CRYBB2: variants seen among roughly 807,000 people sequenced by gnomAD.
The protein encoded by CRYBB2 is crystallin beta B2.
In CRYBB2, 12 loss-of-function variants were observed where a neutral mutation model predicts 24.3. The observed-to-expected ratio is 0.49, with a 90% CI of 0.32 to 0.80. The LOEUF (loss-of-function observed/expected upper bound fraction) is 0.80. CRYBB2 is among the 30% of genes least tolerant of loss of function. CRYBB2 has a pLI of 0.04. For missense variants in CRYBB2, 198 were observed against 268.5 expected (o/e 0.74, Z 1.83); for synonymous variants, 98 against 101.6 (o/e 0.96, Z 0.21).
intron 1 of CRYBB2, chr22:25,213,782 A>T (rs922420649): frequency 4.6e-5 from 7 of 152,166 alleles, no homozygotes; most frequent in African/African-American, 1.7e-4. Flanking sequence ...CTACTTCCTG[A>T]TGCCCTCTGG....
upstream of CRYBB2, among the ~76,000 whole-genome samples, chr22:25,218,779 G>GAGAGAAGAAAGA (rs1935251085): frequency 2.3e-4 from 8 of 34,518 alleles, no homozygotes; most frequent in Admixed American, 3.8e-4. Context: ...GAGAGAGAGA[G>GAGAGAAGAAAGA]AAGAAAGAAA....
chr22:25,229,440 G>C lies in CRYBB2; in HGVS notation c.311G>C (p.Ser104Thr), dbSNP rs1935494118. The change falls in exon 5 of 6, where the codon AGC (serine) becomes ACC (threonine). Residue 104 changes from serine to threonine, a missense_variant. Ser to Thr is a moderately conservative substitution (Grantham distance 58). Coordinates refer to ENST00000398215, the MANE Select transcript of CRYBB2 (RefSeq NM_000496.3). Reference sequence around the variant, plus strand: ...CCCCCCATCCTCTGCCAATAGGACAGCCAAGAGCACAAGATCATCCTCTAT... The same window carrying C: ...CCCCCCATCCTCTGCCAATAGGACACCCAAGAGCACAAGATCATCCTCTAT... ...LSSLRPIKVD[S>T]QEHKIILYEN... The C allele has an allele frequency of 1.9e-6, 3 of 1,609,162 alleles. No homozygotes were observed. In the East Asian group the frequency reaches 6.7e-5, roughly 36 times the overall value.
chr22:25,226,257 C>T (rs1211057752), intron 3 of CRYBB2, among the ~76,000 whole-genome samples: 1 of 151,720 alleles, frequency 6.6e-6, no homozygotes. Flanking sequence ...TTATTACTCA[C>T]TTTGGAAACT....
chr22:25,212,922 C>G (rs1411480614), intron 1 of CRYBB2: 5 of 152,194 alleles, frequency 3.3e-5, no homozygotes, highest in African/African-American at 1.2e-4. Context: ...ATGAAAATGT[C>G]TAACGCATAT....
At chr22:25,230,287 G>T (rs555694093) in intron 5 of CRYBB2, among the ~76,000 whole-genome samples, 211 of 149,392 alleles carry the variant, frequency 1.4e-3, no homozygotes, top group Admixed American at 2.3e-3. Context: ...CTCCCAAGTA[G>T]CTGGGATTAC....
chr22:25,218,734 GGGGA>G (rs1935235665), upstream of CRYBB2, among the ~76,000 whole-genome samples: 1 of 31,110 alleles, frequency 3.2e-5, no homozygotes, highest in Non-Finnish European at 5.2e-5. Flanking sequence ...GAGAGAGAGA[GGGGA>G]GAGAGAGAGA....
At chr22:25,227,571 C>T (rs1218314164) in intron 3 of CRYBB2, among the ~76,000 whole-genome samples, 1 of 150,412 alleles carries the variant, frequency 6.6e-6, no homozygotes, top group Non-Finnish European at 1.5e-5. Flanking sequence ...GGCTTTAGTG[C>T]ATGGCGTCTA....
At chr22:25,215,240 C>T (rs956591411), upstream of CRYBB2, among the ~76,000 whole-genome samples, 9 of 152,242 alleles carry the variant, frequency 5.9e-5, no homozygotes, top group Non-Finnish European at 1.3e-4. Context: ...GCAAGGAACA[C>T]CTGGCCCGCC....
chr22:25,218,824 AAGAAAG>A (rs1199053324), upstream of CRYBB2, among the ~76,000 whole-genome samples: 1 of 118,314 alleles, frequency 8.5e-6, no homozygotes, highest in Admixed American at 7.8e-5. Flanking sequence ...GAAAGAAAGA[AAGAAAG>A]AAAGAAAGAG....
chr22:25,221,034 T>C (rs1935310380), intron 1 of CRYBB2, among the ~76,000 whole-genome samples: 1 of 152,220 alleles, frequency 6.6e-6, no homozygotes, highest in African/African-American at 2.4e-5. Context: ...CACACAATTT[T>C]ATTTAAGAAA....
At position 25,221,152 on chromosome 22, in the gene CRYBB2, T is replaced by C. The variant is rs1045937143; in HGVS notation, c.-26-252T>C. On this transcript the variant is annotated intron_variant, in intron 1 of 5. Transcript: ENST00000398215. ...CCCACTTTGGACCTCATTTAAGCTC[T>C]AGTTTATTACTGCTCTCTTTCTTTG... Among the ~76,000 whole-genome samples the C allele has an allele frequency of 5.9e-5, 9 of 152,248 alleles. No homozygotes were observed. In the South Asian group the frequency reaches 1.9e-3, roughly 32 times the overall value.
upstream of CRYBB2, among the ~76,000 whole-genome samples, chr22:25,218,790 G>GAAAGAA (rs1555888292): frequency 3.5e-5 from 3 of 84,888 alleles, no homozygotes; most frequent in African/African-American, 5.6e-5. Flanking sequence ...AAGAAAGAAA[G>GAAAGAA]AAAGAAAGAA....
intron 5 of CRYBB2, among the ~76,000 whole-genome samples, chr22:25,231,090 G>T (rs1935523122): frequency 6.6e-6 from 1 of 152,192 alleles, no homozygotes; most frequent in South Asian, 2.1e-4. Context: ...AAACTGGCCA[G>T]GCAGGTCCTT....
chr22:25,218,308 G>GTACA (rs1935214358), upstream of CRYBB2, among the ~76,000 whole-genome samples: 1 of 151,066 alleles, frequency 6.6e-6, no homozygotes, highest in Non-Finnish European at 1.5e-5. Context: ...GGGCACCCAT[G>GTACA]TGGCAGCGAT....
At chr22:25,211,989 C>G (rs2146079568), upstream of CRYBB2, among the ~76,000 whole-genome samples, 1 of 152,352 alleles carries the variant, frequency 6.6e-6, no homozygotes, top group African/African-American at 2.4e-5. Flanking sequence ...GCTTCTGTTG[C>G]CTCATCTGTA....
upstream of CRYBB2, among the ~76,000 whole-genome samples, chr22:25,217,237 A>G (rs1008744746): frequency 3.3e-5 from 5 of 150,972 alleles, no homozygotes; most frequent in African/African-American, 1.2e-4. Context: ...ACCATTTTAC[A>G]TTCCCAATTT....
chr22:25,218,737 GAGAGAGA>G (rs2146084130), upstream of CRYBB2, among the ~76,000 whole-genome samples: 1 of 22,256 alleles, frequency 4.5e-5, no homozygotes, highest in African/African-American at 2.6e-4. Flanking sequence ...AGAGAGAGGG[GAGAGAGA>G]GAGAGAGAGA....
At chr22:25,218,820 A>AAAAG (rs1569016436), upstream of CRYBB2, among the ~76,000 whole-genome samples, 2 of 91,088 alleles carry the variant, frequency 2.2e-5, no homozygotes, top group Non-Finnish European at 4.2e-5. Flanking sequence ...GAAAGAAAGA[A>AAAAG]AGAAAGAAAG....
chr22:25,230,582 C>G (rs1935513496), intron 5 of CRYBB2, among the ~76,000 whole-genome samples: 1 of 149,778 alleles, frequency 6.7e-6, no homozygotes, highest in East Asian at 1.9e-4. Context: ...AGGCTCTTTC[C>G]CCACAACAGA....
Sources: allele counts gnomAD v4.1 joint callset (sites outside exome capture counted in the v4.1 genomes callset), GRCh38; gene constraint gnomAD v4.1.1; transcripts MANE v1.5; gene names NCBI Gene and HGNC (gene_info 2026-07-23, HGNC 2026-07-21).